The following RPS29 variants were observed in gnomAD, a reference collection of about 807,000 sequenced individuals.
RPS29 encodes small ribosomal subunit protein uS14.
For missense variants in RPS29, 60 were observed against 75.7 expected (o/e 0.79, Z 0.77); for synonymous variants, 37 against 26.9 (o/e 1.37, Z -1.16).
intron 2 of RPS29, chr14:49,585,687 A>T: frequency 2.0e-6 from 1 of 489,136 alleles, no homozygotes; most frequent in Non-Finnish European, 3.6e-6. Flanking sequence ...AACACAATAC[A>T]CGGCACCTAA....
At chr14:49,583,261 G>A (rs1881395992), downstream of RPS29, among the ~76,000 whole-genome samples, 1 of 152,158 alleles carries the variant, frequency 6.6e-6, no homozygotes, top group South Asian at 2.1e-4. Context: ...AGTTTTTAAA[G>A]GATTTCTTGC....
At chr14:49,589,663 C>T (rs1415210165), upstream of RPS29, among the ~76,000 whole-genome samples, 1 of 152,160 alleles carries the variant, frequency 6.6e-6, no homozygotes, top group Admixed American at 6.5e-5. Flanking sequence ...TGTCATTTGA[C>T]CAGCAATCCC....
chr14:49,586,161 G>A, intron 1 of RPS29, 112 bp from the exon 2 acceptor site: 2 of 1,384,842 alleles, frequency 1.4e-6, no homozygotes, highest in Non-Finnish European at 2.1e-6. Flanking sequence ...GGCCTGTAAT[G>A]GCGGCACCAG....
downstream of RPS29, among the ~76,000 whole-genome samples, chr14:49,582,097 T>C (rs139059073): frequency 3.5e-4 from 53 of 151,204 alleles, no homozygotes; most frequent in East Asian, 1.2e-3. Flanking sequence ...TTGCCTAGAC[T>C]ATTGCAATAG....
At chr14:49,571,456 T>C (rs889801741) in exon 3 of RPS29, 3 of 152,154 alleles carry the variant, frequency 2.0e-5, no homozygotes, top group African/African-American at 7.2e-5. Context: ...GATATCTTTG[T>C]TTTTCATGAG....
intron 2 of RPS29, chr14:49,585,439 G>A (rs1881502731): frequency 6.0e-6 from 1 of 167,984 alleles, no homozygotes; most frequent in Non-Finnish European, 1.3e-5. Context: ...GTACAGCCGC[G>A]CGTGGTGGCA....
upstream of RPS29, among the ~76,000 whole-genome samples, chr14:49,590,279 C>T (rs914148195): frequency 6.6e-6 from 1 of 152,152 alleles, no homozygotes; most frequent in East Asian, 1.9e-4. Flanking sequence ...AGTTCTAGAC[C>T]AACCTGGCCA....
intron 2 of RPS29, chr14:49,577,954 G>C (rs1273817326): frequency 1.5e-5 from 12 of 781,588 alleles, no homozygotes; most frequent in Non-Finnish European, 2.6e-5. Flanking sequence ...AACATGTTAT[G>C]TCACTATCAG....
chr14:49,593,487 T>C (rs1350707182), intron 1 of RPS29, among the ~76,000 whole-genome samples: 1 of 152,026 alleles, frequency 6.6e-6, no homozygotes, highest in African/African-American at 2.4e-5. Context: ...GTGGATCACC[T>C]GAGGTTAGGA....
At chr14:49,591,143 A>G (rs1358834149), upstream of RPS29, among the ~76,000 whole-genome samples, 1 of 152,224 alleles carries the variant, frequency 6.6e-6, no homozygotes, top group East Asian at 1.9e-4. Flanking sequence ...ACTTCAGGAA[A>G]GGGGACTCAG....
At chr14:49,590,265 C>T (rs527503069), upstream of RPS29, among the ~76,000 whole-genome samples, 7 of 152,176 alleles carry the variant, frequency 4.6e-5, no homozygotes, top group East Asian at 1.4e-3. Flanking sequence ...ATCACAAGGT[C>T]AGGAGTTCTA....
At chr14:49,588,977 C>T (rs1881655115), upstream of RPS29, among the ~76,000 whole-genome samples, 1 of 149,332 alleles carries the variant, frequency 6.7e-6, no homozygotes, top group Non-Finnish European at 1.5e-5. Flanking sequence ...CTGCAAGCTC[C>T]GCCTCCCGGG....
At chr14:49,573,646 G>A (rs542785128) in exon 3 of RPS29, 5 of 152,180 alleles carry the variant, frequency 3.3e-5, no homozygotes, top group African/African-American at 9.6e-5. Flanking sequence ...TTTACATTAG[G>A]TCAACACCCC....
chr14:49,588,911 G>A (rs1413162567), upstream of RPS29, among the ~76,000 whole-genome samples: 1 of 123,082 alleles, frequency 8.1e-6, no homozygotes, highest in African/African-American at 3.1e-5. Flanking sequence ...TTGAGACGGA[G>A]TCTGGAGTCT....
At chr14:49,586,187 G>A (rs891587093) in intron 1 of RPS29, 98 bp downstream of exon 1, 14 of 1,416,928 alleles carry the variant, frequency 9.9e-6, no homozygotes, top group South Asian at 9.2e-5. Flanking sequence ...CCCAGTCGGC[G>A]TGCTCCCTCG....
chr14:49,583,556 T>C (rs950636440), downstream of RPS29: 6 of 1,192,608 alleles, frequency 5.0e-6, no homozygotes, highest in South Asian at 1.4e-5. Context: ...CCAGTCACAT[T>C]AGAACACTCA....
exon 3 of RPS29, chr14:49,577,735 A>C (rs1394351407): frequency 1.8e-6 from 2 of 1,122,716 alleles, no homozygotes; most frequent in African/African-American, 3.1e-5. Flanking sequence ...ACTGGTTCCC[A>C]GTGAACTTGG....
downstream of RPS29, among the ~76,000 whole-genome samples, chr14:49,580,463 TAGG>T (rs1314062667): frequency 2.6e-5 from 4 of 152,214 alleles, no homozygotes; most frequent in Admixed American, 2.6e-4. Flanking sequence ...GGTTCAGGGT[TAGG>T]AGCACAGGTG....
chr14:49,578,172 A>G (rs1881238319), intron 2 of RPS29, among the ~76,000 whole-genome samples: 1 of 152,184 alleles, frequency 6.6e-6, no homozygotes, highest in Non-Finnish European at 1.5e-5. Flanking sequence ...ATTAATATCA[A>G]TGAGTAGCAG....
Sources: allele counts gnomAD v4.1 joint callset (sites outside exome capture counted in the v4.1 genomes callset), GRCh38; gene constraint gnomAD v4.1.1; transcripts MANE v1.5; gene names NCBI Gene and HGNC (gene_info 2026-07-23, HGNC 2026-07-21).